TENM2: variants seen among roughly 807,000 people sequenced by gnomAD.
TENM2 encodes the protein teneurin transmembrane protein 2, also known as teneurin-2.
TENM2 carries 52 observed loss-of-function variants against 245.2 expected under a neutral mutation model. The ratio of observed to expected loss-of-function variants is 0.21; its 90% confidence interval spans 0.17 to 0.27. The LOEUF (loss-of-function observed/expected upper bound fraction) is 0.27. Among genes scored for constraint, TENM2 ranks in the 10% least tolerant of loss-of-function variants. TENM2 has a pLI of 1.00. For missense variants in TENM2, 3,046 were observed against 3,666.8 expected, an observed-to-expected ratio of 0.83 and a Z score of 4.37; for synonymous variants, 1,363 against 1,438.9, an observed-to-expected ratio of 0.95 and a Z score of 1.19.
At chr5:167,629,147 A>G (rs1266564780) in intron 2 of TENM2, among the ~76,000 whole-genome samples, 2 of 152,226 alleles carry the variant, frequency 1.3e-5, no homozygotes, top group African/African-American at 2.4e-5. Context: ...TATGTGTGGT[A>G]GAACAAGACG....
chr5:167,389,521 G>A (rs962648462), intron 2 of TENM2, among the ~76,000 whole-genome samples: 2 of 152,092 alleles, frequency 1.3e-5, no homozygotes, highest in Admixed American at 1.3e-4. Context: ...GAGGGACATA[G>A]TACTCCTTTA....
chr5:167,164,151 A>G, the TENM2 span, among the ~76,000 whole-genome samples: 1 of 152,182 alleles, frequency 6.6e-6, no homozygotes, highest in Non-Finnish European at 1.5e-5. Flanking sequence ...TTTCAATGAG[A>G]CAGAGCAGGA....
intron 2 of TENM2, among the ~76,000 whole-genome samples, chr5:167,402,999 A>C (rs1762442743): frequency 6.6e-6 from 1 of 152,128 alleles, no homozygotes. Flanking sequence ...TGAAAGCTCC[A>C]AACTGTGCAG....
At chr5:167,000,775 A>G in the TENM2 span, among the ~76,000 whole-genome samples, 1 of 152,224 alleles carries the variant, frequency 6.6e-6, no homozygotes, top group Non-Finnish European at 1.5e-5. Flanking sequence ...CATGTATCAG[A>G]TAAGCTTATC....
chr5:167,150,665 G>C, the TENM2 span, among the ~76,000 whole-genome samples: 31 of 152,118 alleles, frequency 2.0e-4, no homozygotes, highest in Admixed American at 3.3e-4. Flanking sequence ...AACATACATA[G>C]AGGTTAATGT....
At chr5:167,917,935 C>CTAT (rs972705768) in intron 3 of TENM2, among the ~76,000 whole-genome samples, 16 of 151,920 alleles carry the variant, frequency 1.1e-4, no homozygotes, top group African/African-American at 3.9e-4. Flanking sequence ...CAATATTATT[C>CTAT]TATTATTATT....
chr5:167,473,290 A>G (rs1401519795), intron 2 of TENM2, among the ~76,000 whole-genome samples: 1 of 152,106 alleles, frequency 6.6e-6, no homozygotes, highest in Non-Finnish European at 1.5e-5. Flanking sequence ...ACTCTTATTG[A>G]TGTTAACAAT....
chr5:167,749,385 A>T (rs1388398412), intron 2 of TENM2, among the ~76,000 whole-genome samples: 1 of 152,174 alleles, frequency 6.6e-6, no homozygotes, highest in African/African-American at 2.4e-5. Flanking sequence ...CATGCCTATA[A>T]TTTCAGCACT....
At chr5:167,953,130 G>C (rs1780252214) in intron 4 of TENM2, among the ~76,000 whole-genome samples, 1 of 152,162 alleles carries the variant, frequency 6.6e-6, no homozygotes, top group African/African-American at 2.4e-5. Flanking sequence ...ATGCTTATAA[G>C]GGTATATTGA....
chr5:167,808,474 G>A (rs1268104594), intron 2 of TENM2, among the ~76,000 whole-genome samples: 1 of 152,106 alleles, frequency 6.6e-6, no homozygotes, highest in Non-Finnish European at 1.5e-5. Flanking sequence ...TGGCCAGGCT[G>A]GTCTCAAACT....
the TENM2 span, among the ~76,000 whole-genome samples, chr5:167,268,873 C>CATAGATAGATGG: frequency 7.2e-6 from 1 of 139,494 alleles, no homozygotes; most frequent in East Asian, 2.2e-4. Flanking sequence ...CCAAAAGATA[C>CATAGATAGATGG]ATAGATAGAT....
chr5:167,649,014 T>G lies in TENM2; in HGVS notation c.503-226972T>G, dbSNP rs1193221874. ...CTTTTCTCTTCAGAGCTCTGTGGTT[T>G]CATTGGTAGTGAAATGATGACTTTT... On this transcript the variant is annotated intron_variant, in intron 2 of 28. Transcript: ENST00000518659. 5.3e-5 allele frequency among the ~76,000 whole-genome samples: 8 copies of G among 152,316 alleles called. 1 individual carries two copies. The highest frequency in any genetic ancestry group is 5.2e-4 in the Admixed American group (8 of 15,298).
intron 7 of TENM2, among the ~76,000 whole-genome samples, chr5:168,072,390 G>A (rs1791089861): frequency 6.6e-6 from 1 of 152,110 alleles, no homozygotes; most frequent in Non-Finnish European, 1.5e-5. Flanking sequence ...CTCTTGGGTT[G>A]GATCAAAAGG....
In TENM2 at chr5:168,218,436, G is replaced by A. The variant is rs1396503604; in HGVS notation, c.4545G>A (p.Gly1515=). ...ACGGGGAGATCTGCCTTTTAGCTGG[G>A]GCAGCCTCGGACTGCGACTGCAAAA... Residue 1515 remains glycine (G), a synonymous_variant, in exon 23 of 29, where the codon GGG becomes GGA. Coordinates refer to ENST00000518659, the Ensembl canonical transcript of TENM2. This position sits in a 1 kb window ranked among gnomAD's most constrained non-coding sequence, Gnocchi z 5.2. 2 of 1,613,956 alleles carry A rather than the reference G, an allele frequency of 1.2e-6. No individual in the cohort carries two copies. Among genetic ancestry groups the A allele is most frequent in the Non-Finnish European group, 1.7e-6 (2 of 1,179,880 alleles).
chr5:168,074,509 T>C (rs886473963), intron 7 of TENM2, among the ~76,000 whole-genome samples: 1 of 152,162 alleles, frequency 6.6e-6, no homozygotes, highest in African/African-American at 2.4e-5. Context: ...GAATATCAGC[T>C]CCAGAAGGAC....
intron 2 of TENM2, among the ~76,000 whole-genome samples, chr5:167,606,367 G>C (rs559000274): frequency 6.6e-6 from 1 of 152,078 alleles, no homozygotes; most frequent in African/African-American, 2.4e-5. Context: ...CAAGGAAGCT[G>C]GGGGAGAAGG....
chr5:167,466,373 C>T (rs1766652390), intron 2 of TENM2, among the ~76,000 whole-genome samples: 1 of 152,180 alleles, frequency 6.6e-6, no homozygotes, highest in African/African-American at 2.4e-5. Context: ...ATACCTATAG[C>T]TAACCTCATA....
At chr5:168,257,922 A>T (rs1767825030) in intron 27 of TENM2, among the ~76,000 whole-genome samples, 1 of 152,018 alleles carries the variant, frequency 6.6e-6, no homozygotes, top group Non-Finnish European at 1.5e-5. Context: ...CCAGCTCCTG[A>T]TTGAAAGGCT....
At chr5:167,385,939 T>A (rs1761409276) in intron 2 of TENM2, among the ~76,000 whole-genome samples, 1 of 151,656 alleles carries the variant, frequency 6.6e-6, no homozygotes, top group South Asian at 2.1e-4. Flanking sequence ...GATGGGCATT[T>A]GGGTTGGTTC....
Sources: allele counts gnomAD v4.1 joint callset (sites outside exome capture counted in the v4.1 genomes callset), GRCh38; gene constraint gnomAD v4.1.1; non-coding constraint Gnocchi (gnomAD v3.1); transcripts MANE v1.5; gene names NCBI Gene and HGNC (gene_info 2026-07-23, HGNC 2026-07-21).